Variants in NCOA2 observed in about 807,000 individuals in gnomAD.
NCOA2 encodes class E basic helix-loop-helix protein 75.
Under a neutral mutation model 145.1 loss-of-function variants are expected in NCOA2, and 21 were observed. That is an observed-to-expected ratio of 0.14 (90% CI 0.10 to 0.21). The LOEUF (loss-of-function observed/expected upper bound fraction) is 0.21. Among genes scored for constraint, NCOA2 ranks in the 10% least tolerant of loss-of-function variants. The pLI, the probability that NCOA2 is intolerant of heterozygous loss-of-function variation, is 1.00. For synonymous variants in NCOA2, 619 were observed against 637.5 expected, an observed-to-expected ratio of 0.97 and a Z score of 0.44; for missense variants, 1,472 against 1,837.6, an observed-to-expected ratio of 0.80 and a Z score of 3.64.
chr8:70,230,085 T>G (rs1821002955), intron 2 of NCOA2, among the ~76,000 whole-genome samples: 1 of 152,224 alleles, frequency 6.6e-6, no homozygotes, highest in South Asian at 2.1e-4. Flanking sequence ...TTTAATAAAC[T>G]GTGAGTACAA....
At chr8:70,118,553 G>A (rs1373142768) in intron 22 of NCOA2, among the ~76,000 whole-genome samples, 1 of 152,170 alleles carries the variant, frequency 6.6e-6, no homozygotes, top group Non-Finnish European at 1.5e-5. Context: ...TATGCACACA[G>A]TAAGTTAAAA....
Position 70,378,868 on chromosome 8 carries a change from T to G in NCOA2, c.-77+24832A>C, listed in dbSNP as rs1326547069. ...ACAACTTTAACTATGTACCAGGCAC[T>G]GTTGTCAGTGCCTCATTTAATCCTC... is the stretch of plus-strand genomic sequence containing the variant. On this transcript the variant is annotated intron_variant, in intron 1 of 22. Transcript: ENST00000452400. 2.6e-5 allele frequency among the ~76,000 whole-genome samples: 4 copies of G among 152,122 alleles called. 1 individual carries two copies. Among genetic ancestry groups the G allele is most frequent in the African/African-American group, 9.7e-5 (4 of 41,432 alleles).
At chr8:70,142,928 C>G (rs1246227555) in intron 13 of NCOA2, among the ~76,000 whole-genome samples, 1 of 151,416 alleles carries the variant, frequency 6.6e-6, no homozygotes, top group Non-Finnish European at 1.5e-5. Flanking sequence ...GGGAAAGTCC[C>G]TCTCAGTCTG....
At chr8:70,248,994 G>A (rs114187880) in intron 2 of NCOA2, among the ~76,000 whole-genome samples, 1,600 of 152,020 alleles carry the variant, frequency 0.011, 39 homozygotes, top group African/African-American at 0.037. Context: ...TTCTGACGTG[G>A]TTCTGCAAGA....
chr8:70,380,495 C>G (rs1167028975), intron 1 of NCOA2, among the ~76,000 whole-genome samples: 1 of 152,096 alleles, frequency 6.6e-6, no homozygotes, highest in Admixed American at 6.6e-5. Flanking sequence ...TTTTCATTCA[C>G]TCAACAAACT....
Position 70,156,092 on chromosome 8 carries a change from C to G in NCOA2, c.2273G>C (p.Gly758Ala). Residue 758 changes from glycine to alanine, a missense_variant, in exon 11 of 23, where the codon GGT becomes GCT. By Grantham distance (60) the Gly-to-Ala change is moderately conservative. Transcript: ENST00000452400. ...LLDKDDTKDI[G>A]LPEITPKLER... Reference sequence around the variant, plus strand: ...AAGTTTGGGGGTTATTTCTGGTAAACCAATATCTTTAGTATCATCTTTATC... The same window carrying G: ...AAGTTTGGGGGTTATTTCTGGTAAAGCAATATCTTTAGTATCATCTTTATC... 1 of 1,613,908 alleles carries G rather than the reference C, an allele frequency of 6.2e-7. No homozygotes were observed. The highest frequency in any genetic ancestry group is 8.5e-7 in the Non-Finnish European group (1 of 1,179,872).
intron 12 of NCOA2, among the ~76,000 whole-genome samples, chr8:70,145,620 CCTTT>C (rs1360881454): frequency 7.1e-6 from 1 of 140,294 alleles, no homozygotes; most frequent in African/African-American, 2.9e-5. Context: ...TGTGCCCAGC[CCTTT>C]TTTTTTTTTT....
chr8:70,113,614 C>G lies in NCOA2; in HGVS notation c.*18G>C. 1.3e-6 allele frequency: 2 copies of G among 1,551,818 alleles called. No individual in the cohort carries two copies. The highest frequency in any genetic ancestry group is 1.7e-6 in the Non-Finnish European group (2 of 1,146,974). ...AAGTGAGCCCGGTCAGCTGAAGAAGCAACTGGCTTCAGCAGTGTCAGCAAT... is the reference window on the plus strand; with the variant it reads ...AAGTGAGCCCGGTCAGCTGAAGAAGGAACTGGCTTCAGCAGTGTCAGCAAT... On this transcript the variant is annotated 3_prime_UTR_variant, in exon 23 of 23. Transcript: ENST00000452400.
chr8:70,359,327 G>C (rs755260118), intron 1 of NCOA2, among the ~76,000 whole-genome samples: 5 of 152,048 alleles, frequency 3.3e-5, no homozygotes, highest in Non-Finnish European at 7.4e-5. Flanking sequence ...CCAAAATGTC[G>C]ATCAATGAAT....
chr8:70,333,037 C>T (rs1461783147), intron 1 of NCOA2, among the ~76,000 whole-genome samples: 1 of 152,158 alleles, frequency 6.6e-6, no homozygotes, highest in East Asian at 1.9e-4. Flanking sequence ...AGATAACTTG[C>T]CTGGGGTCTC....
intron 1 of NCOA2, among the ~76,000 whole-genome samples, chr8:70,306,652 G>A (rs140394697): frequency 1.2e-3 from 186 of 152,266 alleles, no homozygotes; most frequent in Non-Finnish European, 2.1e-3. Flanking sequence ...GGCTGAGGTG[G>A]GAGGATTATT....
chr8:70,326,449 ACGTG>A (rs1180664243), intron 1 of NCOA2, among the ~76,000 whole-genome samples: 4 of 144,708 alleles, frequency 2.8e-5, no homozygotes, highest in African/African-American at 1.0e-4. Flanking sequence ...ACACACACAC[ACGTG>A]CACACACACA....
At chr8:70,246,183 A>G (rs907580645) in intron 2 of NCOA2, among the ~76,000 whole-genome samples, 2 of 152,108 alleles carry the variant, frequency 1.3e-5, no homozygotes, top group African/African-American at 4.8e-5. Context: ...GTTTTTTTTA[A>G]ATGTCCTTAG....
chr8:70,334,181 T>C (rs998248490), intron 1 of NCOA2, among the ~76,000 whole-genome samples: 8 of 152,224 alleles, frequency 5.3e-5, no homozygotes, highest in African/African-American at 1.4e-4. Context: ...CCTCCTTATT[T>C]ATTTATCCAA....
rs1376756677 is a variant in NCOA2, at chr8:70,403,736, C to T, written c.-113G>A. 2 of 397,250 alleles carry T rather than the reference C, an allele frequency of 5.0e-6. No homozygotes were observed. The highest frequency in any genetic ancestry group is 4.4e-5 in the Admixed American group (1 of 22,660). 24.6% of individuals were successfully genotyped at this position (397,250 alleles called of 1,614,324 possible). ...GGTCACGCCGTCAGGTGCCGGCTGC[C>T]GTCGGCGCTGACCTTCGCCGCCGAA... is the stretch of plus-strand genomic sequence containing the variant. On this transcript the variant is annotated 5_prime_UTR_variant, in exon 1 of 23. Coordinates refer to ENST00000452400, the MANE Select transcript of NCOA2 (RefSeq NM_006540.4).
intron 2 of NCOA2, among the ~76,000 whole-genome samples, chr8:70,251,820 G>A (rs948464940): frequency 6.6e-6 from 1 of 152,192 alleles, no homozygotes; most frequent in Non-Finnish European, 1.5e-5. Context: ...CTAGGCCTGG[G>A]AATCTCAAAG....
intron 9 of NCOA2, among the ~76,000 whole-genome samples, chr8:70,161,449 C>T (rs894508140): frequency 6.6e-6 from 1 of 151,448 alleles, no homozygotes; most frequent in Non-Finnish European, 1.5e-5. Flanking sequence ...AGAAAAATGA[C>T]GGAAGACACA....
At chr8:70,182,280 A>G (rs915464939) in intron 4 of NCOA2, among the ~76,000 whole-genome samples, 4 of 152,212 alleles carry the variant, frequency 2.6e-5, no homozygotes, top group African/African-American at 9.6e-5. Context: ...TCTTAACATC[A>G]TGATTTCCCT....
At chr8:70,379,289 A>G (rs970703570) in intron 1 of NCOA2, among the ~76,000 whole-genome samples, 1 of 152,144 alleles carries the variant, frequency 6.6e-6, no homozygotes, top group African/African-American at 2.4e-5. Context: ...TTGTCCTTCC[A>G]CTTCAATTCA....
Sources: allele counts gnomAD v4.1 joint callset (sites outside exome capture counted in the v4.1 genomes callset), GRCh38; gene constraint gnomAD v4.1.1; transcripts MANE v1.5; gene names NCBI Gene and HGNC (gene_info 2026-07-23, HGNC 2026-07-21).